ABHD18: variants seen among roughly 807,000 people sequenced by gnomAD.
ABHD18 encodes cardiolipin-specific deacylase, mitochondrial.
Under a neutral mutation model 65.9 loss-of-function variants are expected in ABHD18, and 55 were observed. The ratio of observed to expected loss-of-function variants is 0.84; its 90% CI spans 0.67 to 1.05. The LOEUF (loss-of-function observed/expected upper bound fraction) is 1.05. Ranked by LOEUF, ABHD18 falls within the 50% of genes least tolerant of loss-of-function variation. ABHD18 has a pLI of 0.00. For synonymous variants in ABHD18, 181 were observed against 180.2 expected (o/e 1.00, Z -0.04); for missense variants, 533 against 558.5 (o/e 0.95, Z 0.46).
chr4:127,997,944 C>T (rs1026956315), intron 4 of ABHD18, among the ~76,000 whole-genome samples: 2 of 151,964 alleles, frequency 1.3e-5, no homozygotes, highest in Non-Finnish European at 2.9e-5. Context: ...GGCTGGAGTG[C>T]AGTAGCGCAA....
At chr4:128,035,665 A>C (rs2149204387) in intron 12 of ABHD18, 97 bp from the exon 13 acceptor site, 1 of 674,908 alleles carries the variant, frequency 1.5e-6, no homozygotes, top group East Asian at 2.8e-5. Context: ...TCAAGTTGCA[A>C]GCCACAGATA....
chr4:128,004,881 G>A (rs1488942338), intron 4 of ABHD18, among the ~76,000 whole-genome samples: 2 of 151,850 alleles, frequency 1.3e-5, no homozygotes, highest in Admixed American at 6.6e-5. Flanking sequence ...TTGCACTCCA[G>A]CCTGGGCGAC....
At chr4:127,997,364 T>A (rs1751910937) in intron 4 of ABHD18, among the ~76,000 whole-genome samples, 1 of 152,140 alleles carries the variant, frequency 6.6e-6, no homozygotes, top group Non-Finnish European at 1.5e-5. Context: ...GATGAAAGAG[T>A]GTTAAAGACT....
chr4:127,988,024 G>A (rs1167663487), intron 3 of ABHD18, among the ~76,000 whole-genome samples: 4 of 152,168 alleles, frequency 2.6e-5, no homozygotes, highest in Non-Finnish European at 2.9e-5. Flanking sequence ...AAATGCTGCA[G>A]TTGTCAACAC....
chr4:127,993,006 C>T (rs1192632473), intron 4 of ABHD18, among the ~76,000 whole-genome samples: 3 of 151,998 alleles, frequency 2.0e-5, no homozygotes, highest in Admixed American at 1.3e-4. Context: ...ATTGCCTGAT[C>T]GAGGTTAGAG....
chr4:128,025,907 C>T (rs1757273625), intron 10 of ABHD18, among the ~76,000 whole-genome samples: 1 of 152,190 alleles, frequency 6.6e-6, no homozygotes, highest in Admixed American at 6.5e-5. Flanking sequence ...CATGTAATCC[C>T]AGCACTTTGG....
At chr4:128,025,508 A>G (rs1172213753) in intron 10 of ABHD18, among the ~76,000 whole-genome samples, 4 of 152,182 alleles carry the variant, frequency 2.6e-5, no homozygotes, top group Admixed American at 2.6e-4. Context: ...ATAGTCTATT[A>G]TGTGAATGGA....
intron 7 of ABHD18, 65 bp downstream of exon 7, chr4:128,011,765 G>T: frequency 7.7e-7 from 1 of 1,296,658 alleles, no homozygotes; most frequent in Non-Finnish European, 1.0e-6. Flanking sequence ...TTAAAATTTT[G>T]GTTGCCTTCA....
intron 10 of ABHD18, 35 bp from the exon 11 acceptor site, chr4:128,028,440 A>G: frequency 2.1e-6 from 3 of 1,400,708 alleles, no homozygotes; most frequent in Non-Finnish European, 2.8e-6. Flanking sequence ...CCTATTTTAT[A>G]TTAAATAATG....
In ABHD18 at chr4:127,983,532, G is replaced by A. The variant is rs561272916; in HGVS notation, c.92+485G>A. On this transcript the variant is annotated intron_variant, in intron 2 of 12. Coordinates refer to ENST00000645843, the MANE Select transcript of ABHD18 (RefSeq NM_001358451.3). ...GGTGGATCACGAAGTCAGAATTTCCGGATCAGCCTGGCCAAGATGGTAAAA... is the reference window on the plus strand; with the variant it reads ...GGTGGATCACGAAGTCAGAATTTCCAGATCAGCCTGGCCAAGATGGTAAAA... 1.6e-4 allele frequency among the ~76,000 whole-genome samples: 25 copies of A among 151,718 alleles called. No homozygotes were observed. The East Asian group carries it at 3.1e-3, about 19-fold the overall frequency.
chr4:128,012,242 G>A (rs2149140970), intron 7 of ABHD18, among the ~76,000 whole-genome samples: 1 of 152,254 alleles, frequency 6.6e-6, no homozygotes, highest in South Asian at 2.1e-4. Context: ...CTCCCAAAGT[G>A]CTGGGATTAT....
intron 10 of ABHD18, among the ~76,000 whole-genome samples, chr4:128,025,865 A>G (rs935444705): frequency 6.6e-6 from 1 of 152,226 alleles, no homozygotes; most frequent in Non-Finnish European, 1.5e-5. Context: ...TTATAAGTTT[A>G]AGAGCAGTTT....
At chr4:128,030,697 A>G in intron 12 of ABHD18, 25 bp downstream of exon 12, 1 of 1,531,734 alleles carries the variant, frequency 6.5e-7, no homozygotes, top group African/African-American at 1.4e-5. Context: ...CTAAACATGT[A>G]TTCGTTCATT....
intron 4 of ABHD18, among the ~76,000 whole-genome samples, chr4:127,995,622 T>C (rs1182008962): frequency 1.3e-5 from 2 of 152,154 alleles, no homozygotes; most frequent in African/African-American, 4.8e-5. Flanking sequence ...CACTGCTACT[T>C]TATTTTGATG....
At chr4:128,031,182 C>T (rs1758152160) in intron 12 of ABHD18, 3 of 979,094 alleles carry the variant, frequency 3.1e-6, no homozygotes, top group Admixed American at 6.2e-5. Context: ...TGGCTGGGCG[C>T]GGTGGCTTAC....
intron 12 of ABHD18, among the ~76,000 whole-genome samples, chr4:128,035,090 T>C (rs1758730800): frequency 6.6e-6 from 1 of 152,226 alleles, no homozygotes; most frequent in African/African-American, 2.4e-5. Context: ...AAACAGAATC[T>C]TACATTCTGA....
In ABHD18 at chr4:128,004,456, A is replaced by G. The variant is rs948105126; in HGVS notation, c.279-4464A>G. 6.0e-4 allele frequency among the ~76,000 whole-genome samples: 91 copies of G among 152,154 alleles called. 1 individual carries two copies. Among genetic ancestry groups the G allele is most frequent in the African/African-American group, 2.0e-3 (81 of 41,516 alleles). On this transcript the variant is annotated intron_variant, in intron 4 of 12. Transcript: ENST00000645843. ...AACAGAGCAAGACTCCATCTCAAAAAAAAAAGAAAAAAAAGAACCAAAATA... is the reference window on the plus strand; with the variant it reads ...AACAGAGCAAGACTCCATCTCAAAAGAAAAAGAAAAAAAAGAACCAAAATA...
chr4:127,998,281 C>CTTTTTTTT (rs993883974), intron 4 of ABHD18, among the ~76,000 whole-genome samples: 16 of 119,860 alleles, frequency 1.3e-4, no homozygotes, highest in Non-Finnish European at 2.6e-4. Flanking sequence ...CAAGACGTTT[C>CTTTTTTTT]TTTTTTTTTT....
intron 4 of ABHD18, among the ~76,000 whole-genome samples, chr4:127,992,287 C>T (rs1429756871): frequency 6.6e-6 from 1 of 152,032 alleles, no homozygotes; most frequent in Non-Finnish European, 1.5e-5. Flanking sequence ...GCCTGGCCAA[C>T]ATAGTGAAAC....
Sources: gnomAD v4.1 joint callset for allele counts (sites outside exome capture counted in the v4.1 genomes callset) on GRCh38, gnomAD v4.1.1 for gene constraint, MANE v1.5 for transcripts, NCBI Gene and HGNC (gene_info 2026-07-23, HGNC 2026-07-21) for gene names.